Variants in APP observed in about 807,000 individuals in gnomAD.
The protein encoded by APP is amyloid beta precursor protein.
A neutral mutation model predicts 101.4 loss-of-function variants in APP; 31 were observed. The observed-to-expected ratio is 0.31, with a 90% CI of 0.23 to 0.41. The LOEUF is 0.41. Ranked by LOEUF, APP falls within the 10% of genes least tolerant of loss-of-function variation. The probability of loss-of-function intolerance (pLI) is 1.00; values close to 1 mark genes in which losing one functional copy is unlikely to be tolerated. For synonymous variants in APP, 366 were observed against 364.4 expected, an observed-to-expected ratio of 1.00 and a Z score of -0.05; for missense variants, 839 against 1,003.7, an observed-to-expected ratio of 0.84 and a Z score of 2.22.
chr21:26,088,353 A>G (rs1370874690), intron 3 of APP, among the ~76,000 whole-genome samples: 3 of 152,234 alleles, frequency 2.0e-5, no homozygotes, highest in African/African-American at 7.2e-5. Context: ...ATGTAAAATG[A>G]TAAGTTCACT....
chr21:25,910,022 T>C (rs947338829), intron 14 of APP, among the ~76,000 whole-genome samples: 2 of 152,204 alleles, frequency 1.3e-5, no homozygotes, highest in Non-Finnish European at 2.9e-5. Context: ...ATATATTTTC[T>C]GCAATGGTTC....
At chr21:26,070,498 G>A (rs993244242) in intron 3 of APP, among the ~76,000 whole-genome samples, 4 of 152,152 alleles carry the variant, frequency 2.6e-5, no homozygotes, top group Non-Finnish European at 4.4e-5. Context: ...GCAACTGGAT[G>A]TTATCAGTGG....
chr21:26,077,195 A>T (rs1210424401), intron 3 of APP, among the ~76,000 whole-genome samples: 7 of 152,166 alleles, frequency 4.6e-5, no homozygotes, highest in African/African-American at 1.7e-4. Context: ...TAACAAGAGG[A>T]GGTCATAAAA....
At chr21:25,941,431 T>A (rs889266676) in intron 13 of APP, 2 of 152,268 alleles carry the variant, frequency 1.3e-5, no homozygotes, top group African/African-American at 2.4e-5. Context: ...AATTCTCTGC[T>A]GCCTTGGGAG....
At chr21:26,021,328 G>A (rs2044328569) in intron 6 of APP, among the ~76,000 whole-genome samples, 1 of 152,164 alleles carries the variant, frequency 6.6e-6, no homozygotes, top group African/African-American at 2.4e-5. Flanking sequence ...GATTACAGGT[G>A]TGAGGCACTG....
At chr21:26,122,805 G>A (rs1300237679) in intron 1 of APP, among the ~76,000 whole-genome samples, 2 of 145,152 alleles carry the variant, frequency 1.4e-5, no homozygotes, top group African/African-American at 5.0e-5. Flanking sequence ...TTTCTTAAAG[G>A]TCATTAACGC....
chr21:26,020,408 T>C (rs181334102), intron 6 of APP, among the ~76,000 whole-genome samples: 62 of 152,256 alleles, frequency 4.1e-4, no homozygotes, highest in African/African-American at 1.4e-3. Context: ...ATTATATACT[T>C]AAAAGCAAAT....
At position 25,880,703 on chromosome 21, in the gene APP, C is replaced by A. The variant is rs45541739; in HGVS notation, c.*967G>T. On this transcript the variant is annotated 3_prime_UTR_variant, in exon 18 of 18. Transcript: ENST00000346798. ...TTCTTTTGTATCATAAATGAAACTT[C>A]AGACTGGTTAAAGAAAATTGAATCT... 6.6e-6 allele frequency: 1 copy of A among 152,196 alleles called. No homozygotes were observed. Among genetic ancestry groups the A allele is most frequent in the African/African-American group, 2.4e-5 (1 of 41,438 alleles). 9.4% of individuals were successfully genotyped at this position (152,196 alleles called of 1,614,324 possible).
At chr21:25,912,423 A>T (rs1223885536) in intron 13 of APP, among the ~76,000 whole-genome samples, 1 of 152,200 alleles carries the variant, frequency 6.6e-6, no homozygotes, top group Non-Finnish European at 1.5e-5. Context: ...TGCCTTGCAC[A>T]CTTGCAAGGA....
chr21:26,010,166 T>C (rs2043727100), intron 6 of APP, among the ~76,000 whole-genome samples: 1 of 151,764 alleles, frequency 6.6e-6, no homozygotes, highest in South Asian at 2.1e-4. Flanking sequence ...TAATCACCAT[T>C]TGCTATTTTA....
At chr21:25,896,822 T>TTG (rs935351613) in intron 16 of APP, among the ~76,000 whole-genome samples, 2 of 152,124 alleles carry the variant, frequency 1.3e-5, no homozygotes, top group African/African-American at 4.8e-5. Context: ...GATCTTACTC[T>TTG]TGCAAGAGAA....
chr21:26,133,307 C>T (rs906847500), intron 1 of APP, among the ~76,000 whole-genome samples: 2 of 152,200 alleles, frequency 1.3e-5, no homozygotes, highest in African/African-American at 2.4e-5. Flanking sequence ...CCTATTAATA[C>T]TGCATATGCA....
At chr21:26,086,877 A>G in intron 3 of APP, among the ~76,000 whole-genome samples, 1 of 152,196 alleles carries the variant, frequency 6.6e-6, no homozygotes, top group Non-Finnish European at 1.5e-5. Flanking sequence ...AATAATCAAG[A>G]GAGCTTGGAC....
chr21:26,135,554 A>G (rs909840050), intron 1 of APP, among the ~76,000 whole-genome samples: 30 of 152,210 alleles, frequency 2.0e-4, no homozygotes, highest in Non-Finnish European at 5.9e-5. Context: ...TTAGTCGTAC[A>G]TTAGGACAAA....
At chr21:25,977,347 T>C (rs2146581156) in intron 9 of APP, among the ~76,000 whole-genome samples, 1 of 152,322 alleles carries the variant, frequency 6.6e-6, no homozygotes, top group East Asian at 1.9e-4. Flanking sequence ...GGAAACAAAA[T>C]ATTGGTTTGG....
chr21:26,068,388 C>T (rs1174437083), intron 3 of APP: 1 of 148,828 alleles, frequency 6.7e-6, no homozygotes, highest in Non-Finnish European at 1.5e-5. Context: ...TTTAAAGAGA[C>T]GGGGATACCC....
intron 7 of APP, among the ~76,000 whole-genome samples, chr21:25,999,269 GAGAC>G (rs1385524205): frequency 6.6e-6 from 1 of 152,168 alleles, no homozygotes; most frequent in Non-Finnish European, 1.5e-5. Context: ...TCCAGCCTGT[GAGAC>G]AGAATGAGAC....
intron 8 of APP, among the ~76,000 whole-genome samples, chr21:25,982,899 T>C (rs1387770094): frequency 1.3e-5 from 2 of 152,214 alleles, no homozygotes; most frequent in African/African-American, 4.8e-5. Context: ...CACAGATATC[T>C]GTAATTAGCC....
rs187124970 is a variant in APP, at chr21:25,961,586, G to T, written c.1459-5831C>A. 1.1e-3 allele frequency among the ~76,000 whole-genome samples: 162 copies of T among 152,170 alleles called. No homozygotes were observed. The Middle Eastern group carries it at 0.027, about 26-fold the overall frequency. On this transcript the variant is annotated intron_variant, in intron 11 of 17. Transcript: ENST00000346798. ...TTTGGCCAAAATACAAATCCTCCAG[G>T]CTTAACATTTGTTATTTCTTGAGCT...
Sources: allele counts gnomAD v4.1 joint callset (sites outside exome capture counted in the v4.1 genomes callset), GRCh38; gene constraint gnomAD v4.1.1; transcripts MANE v1.5; gene names NCBI Gene and HGNC (gene_info 2026-07-23, HGNC 2026-07-21).